The following PBX1 variants were observed in gnomAD, a reference collection of about 807,000 sequenced individuals.
PBX1 encodes PBX homeobox 1.
Under a neutral mutation model 53.4 loss-of-function variants are expected in PBX1, and 6 were observed. The ratio of observed to expected loss-of-function variants is 0.11; its 90% CI spans 0.06 to 0.22. The LOEUF is 0.22. Ranked by LOEUF, PBX1 falls within the 10% of genes least tolerant of loss-of-function variation. The pLI is 1.00. For synonymous variants in PBX1, 204 were observed against 212.3 expected, an observed-to-expected ratio of 0.96 and a Z score of 0.34; for missense variants, 251 against 551.4, an observed-to-expected ratio of 0.46 and a Z score of 5.46.
At chr1:164,618,712 A>C (rs976967383) in intron 2 of PBX1, among the ~76,000 whole-genome samples, 27 of 152,146 alleles carry the variant, frequency 1.8e-4, no homozygotes, top group African/African-American at 6.3e-4. Flanking sequence ...ACACATTAGG[A>C]ACTCCTTGGT....
At chr1:164,592,408 A>C (rs1471217472) in intron 2 of PBX1, among the ~76,000 whole-genome samples, 1 of 152,208 alleles carries the variant, frequency 6.6e-6, no homozygotes, top group South Asian at 2.1e-4. Context: ...CCAACTTTCC[A>C]AAGTTAAGAT....
At chr1:164,626,798 G>C (rs973974972) in intron 2 of PBX1, among the ~76,000 whole-genome samples, 3 of 152,094 alleles carry the variant, frequency 2.0e-5, no homozygotes, top group Admixed American at 6.5e-5. Flanking sequence ...ACCACTTTCA[G>C]GGCCTCACTC....
rs997875225 is a variant in PBX1 at position 164,849,856 on chromosome 1, C to T, written c.*3180C>T. 10 of 230,334 alleles carry T rather than the reference C, an allele frequency of 4.3e-5. No individual in the cohort carries two copies. The highest frequency in any genetic ancestry group is 1.8e-4 in the African/African-American group (8 of 45,116). 14.3% of individuals were successfully genotyped at this position (230,334 alleles called of 1,614,324 possible). A position where few individuals can be genotyped will look rare whatever the true frequency, so the allele number is the denominator to read the frequency against. On this transcript the variant is annotated 3_prime_UTR_variant, in exon 9 of 9. Coordinates refer to ENST00000420696, the MANE Select transcript of PBX1 (RefSeq NM_002585.4). ...TTTTCTGCCCAGAAAAACCTGACTT[C>T]GATACCAAAAAAGATGAAACTACAG...
At chr1:164,645,555 G>A (rs1359687382) in intron 2 of PBX1, among the ~76,000 whole-genome samples, 1 of 150,862 alleles carries the variant, frequency 6.6e-6, no homozygotes, top group Non-Finnish European at 1.5e-5. Flanking sequence ...AGTATAGTGG[G>A]GGGTGATCAA....
chr1:164,721,369 G>A (rs6679481), intron 2 of PBX1, among the ~76,000 whole-genome samples: 56,547 of 151,080 alleles, frequency 0.37, 11,195 homozygotes, highest in East Asian at 0.57. Flanking sequence ...CCAGAATTCT[G>A]TTTAGGGCAC....
rs545220229 is a variant in PBX1 at position 164,882,179 on chromosome 1, C to T, written n.258-17009C>T. Reference sequence around the variant, plus strand: ...ATATTAAGTGATTTTCTCAAAATCACACAGATGATCATTGGCAGCTCCAGG... The same window carrying T: ...ATATTAAGTGATTTTCTCAAAATCATACAGATGATCATTGGCAGCTCCAGG... On this transcript the variant is annotated intron_variant and non_coding_transcript_variant, in intron 2 of 2. Coordinates refer to the PBX1 transcript ENST00000558796. Among the ~76,000 whole-genome samples, 8 of 151,726 alleles carry T rather than the reference C, an allele frequency of 5.3e-5. 1 individual carries two copies. The highest frequency in any genetic ancestry group is 1.9e-4 in the African/African-American group (8 of 41,348).
At chr1:164,806,256 A>C (rs1368075772) in intron 4 of PBX1, among the ~76,000 whole-genome samples, 2 of 152,228 alleles carry the variant, frequency 1.3e-5, no homozygotes, top group African/African-American at 4.8e-5. Context: ...ACTTTAAATT[A>C]GTTCAATTAG....
chr1:164,885,210 T>C (rs1163206722), intron 2 of PBX1, among the ~76,000 whole-genome samples: 2 of 152,226 alleles, frequency 1.3e-5, no homozygotes, highest in Non-Finnish European at 2.9e-5. Flanking sequence ...CTGTAATCTG[T>C]GCTCCATAAC....
chr1:164,640,616 G>T (rs1659077778), intron 2 of PBX1, among the ~76,000 whole-genome samples: 2 of 147,202 alleles, frequency 1.4e-5, no homozygotes, highest in African/African-American at 5.0e-5. Context: ...GAGTGCAGTG[G>T]CACGATCTCA....
chr1:164,638,489 G>A (rs1269403174), intron 2 of PBX1, among the ~76,000 whole-genome samples: 1 of 152,176 alleles, frequency 6.6e-6, no homozygotes, highest in Non-Finnish European at 1.5e-5. Context: ...AAAGTGCTAG[G>A]CCCCTCTGGG....
chr1:164,816,827 A>AT (rs67548144), intron 6 of PBX1: 4 of 151,510 alleles, frequency 2.6e-5, no homozygotes, highest in Non-Finnish European at 5.9e-5. Context: ...AAGTTAACTG[A>AT]TTTTTTTTAT....
chr1:164,619,737 C>T (rs902166973), intron 2 of PBX1, among the ~76,000 whole-genome samples: 5 of 152,006 alleles, frequency 3.3e-5, no homozygotes, highest in African/African-American at 1.2e-4. Context: ...TCCTGAAAGA[C>T]CATCCATGGA....
At chr1:164,732,582 C>A (rs1019978956) in intron 2 of PBX1, among the ~76,000 whole-genome samples, 1 of 152,056 alleles carries the variant, frequency 6.6e-6, no homozygotes, top group Admixed American at 6.5e-5. Flanking sequence ...TAATTGAGGT[C>A]TTTCCATTAC....
At chr1:164,647,980 A>G (rs1659565468) in intron 2 of PBX1, among the ~76,000 whole-genome samples, 1 of 151,842 alleles carries the variant, frequency 6.6e-6, no homozygotes, top group Admixed American at 6.6e-5. Flanking sequence ...ACGCCCGGCT[A>G]ATTTTTTTGT....
rs1251320270 is a variant in PBX1, at chr1:164,821,601, A to G, written c.1175A>G (p.Gln392Arg). 9 of 1,613,920 alleles carry G rather than the reference A, an allele frequency of 5.6e-6. No individual in the cohort carries two copies. In the African/African-American group the frequency reaches 1.2e-4, roughly 22 times the overall value. ...GGYSDGLAAS[Q>R]MYSPQGISAN... is the part of the protein sequence containing the mutation. ...TACAGTGATGGACTCGCAGCCAGTC[A>G]GATGTACAGTCCGCAGGGCATCAGT... The change falls in exon 8 of 9, where the codon CAG (glutamine) becomes CGG (arginine). Residue 392 changes from glutamine (Q) to arginine (R), a missense_variant. This residue lies in a region of PBX1 where 92 missense variants were observed against 130.4 expected (regional missense o/e 0.71). Coordinates refer to ENST00000420696, the MANE Select transcript of PBX1 (RefSeq NM_002585.4).
At chr1:164,784,469 A>G (rs1668079555) in intron 2 of PBX1, among the ~76,000 whole-genome samples, 1 of 152,226 alleles carries the variant, frequency 6.6e-6, no homozygotes, top group East Asian at 1.9e-4. Context: ...TAGAAAATGC[A>G]CGTGACCAGA....
chr1:164,687,660 A>C (rs553719617), intron 2 of PBX1, among the ~76,000 whole-genome samples: 6 of 152,006 alleles, frequency 3.9e-5, no homozygotes, highest in African/African-American at 1.2e-4. Context: ...ATGTGGCTAC[A>C]GGGATTCTCG....
chr1:164,734,211 C>T (rs1477878621), intron 2 of PBX1, among the ~76,000 whole-genome samples: 2 of 152,232 alleles, frequency 1.3e-5, no homozygotes, highest in South Asian at 2.1e-4. Flanking sequence ...CTCATTTTCT[C>T]CAAGAATTTA....
At chr1:164,680,721 A>G (rs1661711219) in intron 2 of PBX1, 1 of 152,242 alleles carries the variant, frequency 6.6e-6, no homozygotes, top group Non-Finnish European at 1.5e-5. Context: ...AATCTGCTTC[A>G]GTGGAACTTT....
Sources: gnomAD v4.1 joint callset for allele counts (sites outside exome capture counted in the v4.1 genomes callset) on GRCh38, gnomAD v4.1.1 for gene constraint, gnomAD v4.1.1 regional missense constraint, MANE v1.5 for transcripts, NCBI Gene and HGNC (gene_info 2026-07-23, HGNC 2026-07-21) for gene names.